RBFOX2: variants seen among roughly 807,000 people sequenced by gnomAD.
RBFOX2 encodes the protein RNA binding protein fox-1 homolog 2.
RBFOX2 carries 10 observed loss-of-function variants against 49.1 expected under a neutral mutation model. That is an observed-to-expected ratio of 0.20 (90% CI 0.13 to 0.35). RBFOX2 has a LOEUF of 0.35. Among genes scored for constraint, RBFOX2 ranks in the 10% least tolerant of loss-of-function variants. The pLI is 1.00. For missense variants in RBFOX2, 323 were observed against 486.9 expected (o/e 0.66, Z 3.17); for synonymous variants, 183 against 187.4 (o/e 0.98, Z 0.19).
intron 1 of RBFOX2, among the ~76,000 whole-genome samples, chr22:35,935,514 G>A (rs968486466): frequency 6.6e-6 from 1 of 152,130 alleles, no homozygotes; most frequent in African/African-American, 2.4e-5. Flanking sequence ...GTGCTATTGG[G>A]ACTGTATATA....
chr22:36,006,150 G>A (rs2058609590), intron 1 of RBFOX2, among the ~76,000 whole-genome samples: 1 of 152,232 alleles, frequency 6.6e-6, no homozygotes, highest in African/African-American at 2.4e-5. Context: ...GTATACTGTA[G>A]AAATTAAGCA....
At chr22:35,984,676 C>A (rs1431770718) in intron 1 of RBFOX2, among the ~76,000 whole-genome samples, 1 of 152,096 alleles carries the variant, frequency 6.6e-6, no homozygotes, top group African/African-American at 2.4e-5. Flanking sequence ...TCCTTCAAAT[C>A]CAGATGGTCT....
At chr22:35,939,491 G>T (rs1342534573), upstream of RBFOX2, among the ~76,000 whole-genome samples, 1 of 152,072 alleles carries the variant, frequency 6.6e-6, no homozygotes, top group Non-Finnish European at 1.5e-5. Flanking sequence ...TCTGACCTCT[G>T]TTCAAGACTT....
chr22:35,953,735 G>C (rs1309434888), intron 1 of RBFOX2, among the ~76,000 whole-genome samples: 1 of 152,070 alleles, frequency 6.6e-6, no homozygotes, highest in South Asian at 2.1e-4. Flanking sequence ...GAAACTTCCT[G>C]TTGTTATTTG....
intron 1 of RBFOX2, chr22:35,995,261 G>A (rs1341828351): frequency 2.6e-5 from 4 of 152,178 alleles, no homozygotes; most frequent in Non-Finnish European, 5.9e-5. Flanking sequence ...ATTTGAAATG[G>A]AAAGATGCAG....
At chr22:35,832,169 C>T (rs1956927606) in intron 1 of RBFOX2, among the ~76,000 whole-genome samples, 1 of 152,154 alleles carries the variant, frequency 6.6e-6, no homozygotes, top group African/African-American at 2.4e-5. Context: ...GTCAGGAGTT[C>T]AAGACCAGTC....
intron 2 of RBFOX2, among the ~76,000 whole-genome samples, chr22:35,808,626 T>C (rs371504034): frequency 8.6e-5 from 13 of 152,034 alleles, no homozygotes; most frequent in East Asian, 3.9e-4. Flanking sequence ...GGTAGGAGGA[T>C]AGAGTGACAG....
At chr22:35,771,482 G>T (rs1942662618) in intron 4 of RBFOX2, among the ~76,000 whole-genome samples, 1 of 152,116 alleles carries the variant, frequency 6.6e-6, no homozygotes, top group African/African-American at 2.4e-5. Flanking sequence ...GAGCCATTTT[G>T]GACTTCTGAC....
intron 1 of RBFOX2, among the ~76,000 whole-genome samples, chr22:36,026,262 A>C (rs2059429730): frequency 6.6e-6 from 1 of 151,930 alleles, no homozygotes; most frequent in African/African-American, 2.4e-5. Flanking sequence ...GGGCAAAAAA[A>C]AAAAAAAGAG....
At chr22:35,910,963 T>C (rs1234763502) in intron 1 of RBFOX2, among the ~76,000 whole-genome samples, 1 of 152,240 alleles carries the variant, frequency 6.6e-6, no homozygotes, top group East Asian at 1.9e-4. Context: ...ATTTTAATTA[T>C]TTCTGAAACG....
chr22:35,780,630 G>A (rs1944944509), intron 3 of RBFOX2, among the ~76,000 whole-genome samples: 1 of 152,150 alleles, frequency 6.6e-6, no homozygotes, highest in Non-Finnish European at 1.5e-5. Flanking sequence ...TGTGCAGTAT[G>A]AGCAACAACG....
At chr22:35,815,155 A>G (rs1310669161) in intron 1 of RBFOX2, among the ~76,000 whole-genome samples, 2 of 152,190 alleles carry the variant, frequency 1.3e-5, no homozygotes, top group Non-Finnish European at 2.9e-5. Flanking sequence ...CCCAGTTTAC[A>G]TGGAATGTAG....
At chr22:35,843,344 C>G (rs895121211), upstream of RBFOX2, among the ~76,000 whole-genome samples, 1 of 152,142 alleles carries the variant, frequency 6.6e-6, no homozygotes, top group Non-Finnish European at 1.5e-5. Flanking sequence ...GACAAATCCC[C>G]AGCTTTCAGG....
chr22:35,805,289 C>CAAAA (rs748086413), intron 2 of RBFOX2, among the ~76,000 whole-genome samples: 3 of 37,808 alleles, frequency 7.9e-5, no homozygotes, highest in Non-Finnish European at 1.8e-4. Flanking sequence ...GACTCCGTCT[C>CAAAA]AAAAAAAAAA....
chr22:35,754,992 C>G (rs1463561537), intron 9 of RBFOX2, among the ~76,000 whole-genome samples: 1 of 152,192 alleles, frequency 6.6e-6, no homozygotes, highest in Non-Finnish European at 1.5e-5. Context: ...CATCCCATCT[C>G]TACTTCCTGC....
intron 1 of RBFOX2, among the ~76,000 whole-genome samples, chr22:36,016,354 G>A (rs1302097637): frequency 1.3e-5 from 2 of 151,892 alleles, no homozygotes; most frequent in Non-Finnish European, 2.9e-5. Flanking sequence ...CATAGCTTCT[G>A]CCTCCACCCC....
intron 3 of RBFOX2, 122 bp from the exon 5 acceptor site, chr22:35,778,200 G>A: frequency 1.3e-6 from 1 of 774,614 alleles, no homozygotes; most frequent in South Asian, 1.8e-5. Context: ...TAACTTCTAT[G>A]TTTGTATTTG....
chr22:35,803,855 G>A (rs926266957), intron 2 of RBFOX2, among the ~76,000 whole-genome samples: 6 of 152,056 alleles, frequency 3.9e-5, no homozygotes, highest in Non-Finnish European at 8.8e-5. Flanking sequence ...GAGACCACCA[G>A]AAATTATCCA....
intron 4 of RBFOX2, among the ~76,000 whole-genome samples, chr22:35,774,604 T>G (rs1480776055): frequency 6.6e-6 from 1 of 152,136 alleles, no homozygotes; most frequent in Non-Finnish European, 1.5e-5. Context: ...ATATTCATTC[T>G]ATAATCTAAG....
Sources: allele counts gnomAD v4.1 joint callset (sites outside exome capture counted in the v4.1 genomes callset), GRCh38; gene constraint gnomAD v4.1.1; transcripts MANE v1.5; gene names NCBI Gene and HGNC (gene_info 2026-07-23, HGNC 2026-07-21).